The following LRRTM4 variants were observed in gnomAD, a reference collection of about 807,000 sequenced individuals.
LRRTM4 encodes the protein leucine rich repeat transmembrane neuronal 4, also known as leucine-rich repeat transmembrane neuronal protein 4.
A neutral mutation model predicts 47.6 loss-of-function variants in LRRTM4; 25 were observed. The ratio of observed to expected loss-of-function variants is 0.53; its 90% CI spans 0.38 to 0.73. The LOEUF (loss-of-function observed/expected upper bound fraction) is 0.73. Among genes scored for constraint, LRRTM4 ranks in the 30% least tolerant of loss-of-function variants. The pLI is 0.00. For missense variants in LRRTM4, 638 were observed against 713.4 expected, an observed-to-expected ratio of 0.89 and a Z score of 1.20; for synonymous variants, 311 against 269.5, an observed-to-expected ratio of 1.15 and a Z score of -1.51.
At chr2:76,911,636 A>T (rs1436897090) in intron 3 of LRRTM4, among the ~76,000 whole-genome samples, 4 of 152,112 alleles carry the variant, frequency 2.6e-5, no homozygotes, top group Admixed American at 1.3e-4. Flanking sequence ...GAGAGAGAAA[A>T]GAAAGAGCCA....
At chr2:76,884,445 A>G (rs777106271) in intron 3 of LRRTM4, among the ~76,000 whole-genome samples, 2 of 152,198 alleles carry the variant, frequency 1.3e-5, no homozygotes, top group African/African-American at 2.4e-5. Flanking sequence ...TTCCAAAGAC[A>G]GACAGATGTT....
intron 3 of LRRTM4, among the ~76,000 whole-genome samples, chr2:77,314,790 C>A (rs752536748): frequency 3.3e-5 from 5 of 152,112 alleles, no homozygotes; most frequent in African/African-American, 1.2e-4. Context: ...TTAGTAGAAA[C>A]CTTACTTAGA....
At chr2:76,973,447 T>C (rs1019166709) in intron 3 of LRRTM4, among the ~76,000 whole-genome samples, 1 of 152,016 alleles carries the variant, frequency 6.6e-6, no homozygotes, top group Non-Finnish European at 1.5e-5. Context: ...ATATGTGTTA[T>C]ATTTAACATG....
intron 3 of LRRTM4, among the ~76,000 whole-genome samples, chr2:76,827,672 T>C (rs138421876): frequency 1.6e-3 from 249 of 152,044 alleles, no homozygotes; most frequent in African/African-American, 5.8e-3. Flanking sequence ...AACAGTCAAC[T>C]TATTTCTTAA....
At position 76,816,929 on chromosome 2, in the gene LRRTM4, C is replaced by T. The variant is rs1217031597; in HGVS notation, c.1552-68013G>A. Among the ~76,000 whole-genome samples the T allele has an allele frequency of 5.6e-5, 8 of 142,752 alleles. No homozygotes were observed. The South Asian group carries it at 6.6e-4, about 12-fold the overall frequency. The allele number at this position is 142,752 out of a possible 152,430, so 93.7% of individuals were successfully genotyped here. The stretch of plus-strand genomic sequence containing the variant: ...AAAAATAAATGGCTTTTCATGTTTG[C>T]GGGAAGTGTACATGCAGAGTATTGC... On this transcript the variant is annotated intron_variant, in intron 3 of 3. Coordinates refer to ENST00000409884, the MANE Select transcript of LRRTM4 (RefSeq NM_001134745.3).
intron 3 of LRRTM4, among the ~76,000 whole-genome samples, chr2:76,924,076 T>C (rs1301719404): frequency 1.3e-5 from 2 of 152,090 alleles, no homozygotes; most frequent in Non-Finnish European, 2.9e-5. Context: ...TACTGGCTCC[T>C]TAATTACCTG....
At chr2:77,049,459 T>A (rs1679353263) in intron 3 of LRRTM4, among the ~76,000 whole-genome samples, 1 of 151,690 alleles carries the variant, frequency 6.6e-6, no homozygotes, top group Non-Finnish European at 1.5e-5. Context: ...CATTTTGTTA[T>A]TTTTTGTCTT....
intron 3 of LRRTM4, among the ~76,000 whole-genome samples, chr2:77,144,671 T>C (rs1327346382): frequency 6.6e-6 from 1 of 152,076 alleles, no homozygotes; most frequent in Non-Finnish European, 1.5e-5. Context: ...TATGCCAATA[T>C]AAAATATTAG....
In LRRTM4 at chr2:77,457,004, GTATATATATATATATATATA is replaced by G. The variant is rs1171771344; in HGVS notation, c.1551+61294_1551+61313del. Among the ~76,000 whole-genome samples the G allele has an allele frequency of 1.5e-3, 34 of 23,170 alleles. 2 individuals carry two copies. Among genetic ancestry groups the G allele is most frequent in the South Asian group, 0.012 (12 of 962 alleles). The allele number at this position is 23,170 out of a possible 152,430, so 15.2% of individuals were successfully genotyped here. On this transcript the variant is annotated intron_variant, in intron 3 of 3. Coordinates refer to ENST00000409884, the MANE Select transcript of LRRTM4 (RefSeq NM_001134745.3). Reference sequence around the variant, plus strand: ...TATATATTAGTGTATGTGTGTGTGTGTATATATATATATATATATATATATATATATATATATATATATAT... The same window carrying G: ...TATATATTAGTGTATGTGTGTGTGTGTATATATATATATATATATATATAT...
intron 3 of LRRTM4, among the ~76,000 whole-genome samples, chr2:77,313,405 C>T (rs1193519874): frequency 4.0e-5 from 6 of 150,840 alleles, no homozygotes; most frequent in African/African-American, 1.2e-4. Flanking sequence ...TGCCTCCCTA[C>T]GTTTTCCTGG....
chr2:76,867,286 T>G (rs907255893), intron 3 of LRRTM4, among the ~76,000 whole-genome samples: 3 of 152,152 alleles, frequency 2.0e-5, no homozygotes, highest in Non-Finnish European at 4.4e-5. Flanking sequence ...TAGGATGTGG[T>G]GTGGTGCTTG....
intron 3 of LRRTM4, among the ~76,000 whole-genome samples, chr2:77,376,691 T>A (rs1444202459): frequency 6.6e-6 from 1 of 151,860 alleles, no homozygotes; most frequent in Non-Finnish European, 1.5e-5. Flanking sequence ...TAAAGTGCTA[T>A]TCTCATAATT....
intron 3 of LRRTM4, among the ~76,000 whole-genome samples, chr2:76,990,803 T>C (rs766241297): frequency 7.2e-5 from 11 of 151,810 alleles, no homozygotes; most frequent in Middle Eastern, 3.4e-3. Flanking sequence ...TTGGACCTAA[T>C]AGACACCTAC....
At chr2:77,356,764 C>T (rs1245687151) in intron 3 of LRRTM4, among the ~76,000 whole-genome samples, 5 of 152,214 alleles carry the variant, frequency 3.3e-5, no homozygotes, top group African/African-American at 7.2e-5. Flanking sequence ...GTCCAAACAC[C>T]AGGGCCAATT....
intron 3 of LRRTM4, among the ~76,000 whole-genome samples, chr2:76,971,223 C>T (rs139944463): frequency 5.9e-5 from 9 of 151,982 alleles, no homozygotes; most frequent in African/African-American, 2.2e-4. Context: ...GTATCTGCAT[C>T]AGCCCGTCTG....
rs558590039 is a variant in LRRTM4, at chr2:77,186,296, T to G, written c.1551+332022A>C. 5.9e-3 allele frequency among the ~76,000 whole-genome samples: 903 copies of G among 152,250 alleles called. 5 individuals carry two copies. The highest frequency in any genetic ancestry group is 8.8e-3 in the Non-Finnish European group (598 of 68,022). ...GTGACCTCCACGAAGCTCTCAGAGATCACCAGGAGTGACTTCCTCTCTCAT... is the reference window on the plus strand; with the variant it reads ...GTGACCTCCACGAAGCTCTCAGAGAGCACCAGGAGTGACTTCCTCTCTCAT... On this transcript the variant is annotated intron_variant, in intron 3 of 3. Coordinates refer to ENST00000409884, the MANE Select transcript of LRRTM4 (RefSeq NM_001134745.3).
chr2:76,780,927 G>C (rs1413631852), intron 3 of LRRTM4, among the ~76,000 whole-genome samples: 7 of 152,076 alleles, frequency 4.6e-5, no homozygotes, highest in Admixed American at 3.3e-4. Context: ...GTGATGTACA[G>C]ATGGGTTTGT....
chr2:76,898,072 G>C (rs1191587119), intron 3 of LRRTM4, among the ~76,000 whole-genome samples: 2 of 152,134 alleles, frequency 1.3e-5, no homozygotes, highest in Non-Finnish European at 2.9e-5. Flanking sequence ...TAGAATTGAA[G>C]AGGGTGAGAG....
At chr2:77,016,868 C>T (rs545054369) in intron 3 of LRRTM4, among the ~76,000 whole-genome samples, 1 of 151,794 alleles carries the variant, frequency 6.6e-6, no homozygotes, top group Non-Finnish European at 1.5e-5. Context: ...TGAAATGATA[C>T]TTTATTGACT....
Sources: allele counts gnomAD v4.1 joint callset (sites outside exome capture counted in the v4.1 genomes callset), GRCh38; gene constraint gnomAD v4.1.1; transcripts MANE v1.5; gene names NCBI Gene and HGNC (gene_info 2026-07-23, HGNC 2026-07-21).